PDZD2: variants seen among roughly 807,000 people sequenced by gnomAD.
PDZD2 encodes PDZ domain-containing protein 2.
Under a neutral mutation model 220.7 loss-of-function variants are expected in PDZD2, and 90 were observed. That is an observed-to-expected ratio of 0.41 (90% CI 0.34 to 0.49). The LOEUF (loss-of-function observed/expected upper bound fraction) is 0.49, where lower values mean the gene tolerates loss of function less well. PDZD2 is among the 20% of genes least tolerant of loss of function. PDZD2 has a pLI of 0.28. For synonymous variants in PDZD2, 1,375 were observed against 1,450.5 expected, an observed-to-expected ratio of 0.95 and a Z score of 1.18; for missense variants, 3,174 against 3,608.5, an observed-to-expected ratio of 0.88 and a Z score of 3.08.
At chr5:31,762,722 C>A (rs1561439625) in intron 1 of PDZD2, among the ~76,000 whole-genome samples, 1 of 152,188 alleles carries the variant, frequency 6.6e-6, no homozygotes. Flanking sequence ...GTACAGTGGG[C>A]TGAGTGCAAT....
At chr5:31,963,228 T>C (rs1748414169) in intron 2 of PDZD2, among the ~76,000 whole-genome samples, 1 of 152,242 alleles carries the variant, frequency 6.6e-6, no homozygotes, top group Non-Finnish European at 1.5e-5. Context: ...CATCACAATG[T>C]TGACTGACTA....
intron 1 of PDZD2, among the ~76,000 whole-genome samples, chr5:31,776,567 C>T (rs1752666899): frequency 6.6e-6 from 1 of 151,160 alleles, no homozygotes; most frequent in African/African-American, 2.4e-5. Flanking sequence ...CTGCCTGCTT[C>T]ATCCTCCCAA....
chr5:31,984,480 T>G (rs1229627680), intron 3 of PDZD2, among the ~76,000 whole-genome samples: 1 of 152,210 alleles, frequency 6.6e-6, no homozygotes, highest in Non-Finnish European at 1.5e-5. Context: ...GACTGGTTTC[T>G]TCTCTGACTC....
chr5:31,943,792 C>A (rs1746409925), intron 2 of PDZD2, among the ~76,000 whole-genome samples: 1 of 152,208 alleles, frequency 6.6e-6, no homozygotes, highest in South Asian at 2.1e-4. Context: ...CTTTAAACAT[C>A]TGTCTATCTT....
intron 1 of PDZD2, among the ~76,000 whole-genome samples, chr5:31,682,357 G>GGGA (rs1746684767): frequency 2.0e-5 from 3 of 152,150 alleles, no homozygotes; most frequent in Non-Finnish European, 4.4e-5. Context: ...ACTGTCCCCC[G>GGGA]GGAGAATGTC....
At chr5:31,950,500 A>AT (rs1170181331) in intron 2 of PDZD2, among the ~76,000 whole-genome samples, 2 of 152,046 alleles carry the variant, frequency 1.3e-5, no homozygotes, top group Non-Finnish European at 2.9e-5. Context: ...TGAGTTGAGT[A>AT]TTTTTTTATT....
chr5:32,109,907 C>CATCA lies in PDZD2; in HGVS notation c.*1774_*1777dup, dbSNP rs1745210275. Reference sequence around the variant, plus strand: ...CTGGCTTGTCTGAGTCCAGATTTCTCATCAACTGGCAATACAAAGGAAAAT... The same window carrying CATCA: ...CTGGCTTGTCTGAGTCCAGATTTCTCATCAATCAACTGGCAATACAAAGGAAAAT... On this transcript the variant is annotated 3_prime_UTR_variant, in exon 25 of 25. Coordinates refer to ENST00000438447, the MANE Select transcript of PDZD2 (RefSeq NM_178140.4). The CATCA allele has an allele frequency of 6.6e-6, 1 of 152,608 alleles. No homozygotes were observed. Among genetic ancestry groups the CATCA allele is most frequent in the African/African-American group, 2.4e-5 (1 of 41,442 alleles). The allele number at this position is 152,608 out of a possible 1,614,324, so 9.5% of individuals were successfully genotyped here.
rs1019680742 is a variant in PDZD2 at position 31,849,015 on chromosome 5, C to G, written c.476+49291C>G. 3.3e-5 allele frequency among the ~76,000 whole-genome samples: 5 copies of G among 152,178 alleles called. No homozygotes were observed. The South Asian group carries it at 1.0e-3, about 32-fold the overall frequency. On this transcript the variant is annotated intron_variant, in intron 2 of 24. Transcript: ENST00000438447. ...AGTGAGCCGAGATCTTGCCACTGCA[C>G]TCCAGCCTGGGCGACAGAGCGAGAC...
At chr5:31,656,122 G>A (rs1476828846) in intron 1 of PDZD2, among the ~76,000 whole-genome samples, 1 of 152,118 alleles carries the variant, frequency 6.6e-6, no homozygotes, top group African/African-American at 2.4e-5. Context: ...TTGTCTCTAC[G>A]TTCAAAGAGA....
intron 6 of PDZD2, among the ~76,000 whole-genome samples, chr5:32,011,026 C>CAA (rs1753273778): frequency 7.7e-6 from 1 of 129,254 alleles, no homozygotes; most frequent in African/African-American, 3.1e-5. Context: ...AAAAAAACAA[C>CAA]AACAACAACA....
intron 2 of PDZD2, among the ~76,000 whole-genome samples, chr5:31,947,655 A>G (rs542310712): frequency 6.6e-6 from 1 of 152,174 alleles, no homozygotes; most frequent in African/African-American, 2.4e-5. Flanking sequence ...AAAATTTTTT[A>G]AAAATGCAAA....
chr5:31,862,249 T>C (rs1413457736), intron 2 of PDZD2, among the ~76,000 whole-genome samples: 3 of 151,270 alleles, frequency 2.0e-5, no homozygotes, highest in Admixed American at 1.3e-4. Context: ...AGACTACAGG[T>C]GTGCTCCACC....
chr5:31,804,109 T>C (rs7713111), intron 2 of PDZD2, among the ~76,000 whole-genome samples: 110,134 of 151,786 alleles, frequency 0.73, 41,079 homozygotes, highest in African/African-American at 0.91. Flanking sequence ...TGGAAACCTT[T>C]CACAGCTGAG....
rs151319683 is a variant in PDZD2, at chr5:32,097,184, A to G, written c.7846-95A>G. 781 of 801,558 alleles carry G rather than the reference A, an allele frequency of 9.7e-4. 4 individuals are homozygous for G. Among genetic ancestry groups the G allele is most frequent in the African/African-American group, 5.1e-3 (302 of 58,866 alleles). 49.7% of individuals were successfully genotyped at this position (801,558 alleles called of 1,614,324 possible). The stretch of plus-strand genomic sequence containing the variant: ...AAGCCCCTCCAAGAGGACTGACATC[A>G]GAGCTTCCTTACTCCTGGCCCAAGG... On this transcript the variant is annotated intron_variant, in intron 21 of 24. Transcript: ENST00000438447.
chr5:31,870,882 C>CT (rs1385798231), intron 2 of PDZD2, among the ~76,000 whole-genome samples: 3 of 141,580 alleles, frequency 2.1e-5, no homozygotes, highest in Non-Finnish European at 4.5e-5. Context: ...GATCGAGACT[C>CT]TGTCTCAAAA....
chr5:31,858,608 G>C (rs1290981431), intron 2 of PDZD2, among the ~76,000 whole-genome samples: 1 of 152,198 alleles, frequency 6.6e-6, no homozygotes. Flanking sequence ...TTAGCCATAA[G>C]ATTTGCAGCT....
intron 1 of PDZD2, among the ~76,000 whole-genome samples, chr5:31,663,943 G>A (rs1288818261): frequency 6.6e-6 from 1 of 152,122 alleles, no homozygotes. Context: ...GGCAAAGTAA[G>A]AAGATTACTG....
intron 1 of PDZD2, among the ~76,000 whole-genome samples, chr5:31,669,295 G>T (rs1746120011): frequency 6.6e-6 from 1 of 151,570 alleles, no homozygotes; most frequent in African/African-American, 2.4e-5. Flanking sequence ...CCAGCCACTT[G>T]GGAGGCTGAG....
At position 31,916,530 on chromosome 5, in the gene PDZD2, G is replaced by A. The variant is rs142258520; in HGVS notation, c.477-66625G>A. 5.3e-5 allele frequency among the ~76,000 whole-genome samples: 8 copies of A among 152,378 alleles called. No individual in the cohort carries two copies. In the East Asian group the frequency reaches 1.5e-3, roughly 29 times the overall value. On this transcript the variant is annotated intron_variant, in intron 2 of 24. Transcript: ENST00000438447. ...CCAGCAAGTGAGGCCAGGTGAGTTAGGTGTGGTGTTCTTATGCCTTCTGGC... is the reference window on the plus strand; with the variant it reads ...CCAGCAAGTGAGGCCAGGTGAGTTAAGTGTGGTGTTCTTATGCCTTCTGGC...
Sources: allele counts gnomAD v4.1 joint callset (sites outside exome capture counted in the v4.1 genomes callset), GRCh38; gene constraint gnomAD v4.1.1; transcripts MANE v1.5; gene names NCBI Gene and HGNC (gene_info 2026-07-23, HGNC 2026-07-21).